KCNJ3: variants seen among roughly 807,000 people sequenced by gnomAD.
KCNJ3 encodes G protein-activated inward rectifier potassium channel 1.
In KCNJ3, 4 loss-of-function variants were observed where a neutral mutation model predicts 39.2. The ratio of observed to expected loss-of-function variants is 0.10; its 90% CI spans 0.05 to 0.23. The LOEUF (loss-of-function observed/expected upper bound fraction) is 0.23, where lower values mean the gene tolerates loss of function less well. Ranked by LOEUF, KCNJ3 falls within the 10% of genes least tolerant of loss-of-function variation. The pLI is 1.00. For synonymous variants in KCNJ3, 230 were observed against 237.4 expected (o/e 0.97, Z 0.29); for missense variants, 276 against 634.9 (o/e 0.43, Z 6.08).
chr2:154,837,596 C>T (rs1687492929), intron 2 of KCNJ3, among the ~76,000 whole-genome samples: 1 of 152,084 alleles, frequency 6.6e-6, no homozygotes, highest in Non-Finnish European at 1.5e-5. Flanking sequence ...TTAACCTTCC[C>T]ATTCTTCCTC....
chr2:154,754,436 G>A (rs1202886116), intron 2 of KCNJ3, among the ~76,000 whole-genome samples: 3 of 152,016 alleles, frequency 2.0e-5, no homozygotes, highest in Non-Finnish European at 1.5e-5. Context: ...ACCACGCCCA[G>A]CTAATTTTTT....
intron 2 of KCNJ3, among the ~76,000 whole-genome samples, chr2:154,813,173 C>CT (rs1052528407): frequency 6.6e-6 from 1 of 152,060 alleles, no homozygotes; most frequent in African/African-American, 2.4e-5. Flanking sequence ...CCGATCACAT[C>CT]TTTTTTTTCT....
At chr2:154,702,698 A>G (rs1430240726) in intron 1 of KCNJ3, among the ~76,000 whole-genome samples, 2 of 151,922 alleles carry the variant, frequency 1.3e-5, no homozygotes. Flanking sequence ...TTTTCTACTC[A>G]TAAAAAGAGA....
chr2:154,722,699 GA>G (rs1183656553), intron 2 of KCNJ3, among the ~76,000 whole-genome samples: 9 of 152,006 alleles, frequency 5.9e-5, no homozygotes, highest in African/African-American at 1.9e-4. Context: ...TTGCACTTTA[GA>G]AAAAAACCAC....
At chr2:154,710,882 A>G (rs1377021434) in intron 2 of KCNJ3, among the ~76,000 whole-genome samples, 1 of 152,178 alleles carries the variant, frequency 6.6e-6, no homozygotes, top group Non-Finnish European at 1.5e-5. Context: ...GAGGCTAGTC[A>G]TTGTAATTTT....
intron 2 of KCNJ3, among the ~76,000 whole-genome samples, chr2:154,767,195 T>TTA (rs545870633): frequency 4.6e-5 from 7 of 151,990 alleles, no homozygotes; most frequent in East Asian, 1.9e-4. Flanking sequence ...CCTTTTTTTT[T>TTA]AAAATTATAC....
intron 2 of KCNJ3, among the ~76,000 whole-genome samples, chr2:154,768,003 T>C (rs1686166044): frequency 6.6e-6 from 1 of 152,200 alleles, no homozygotes; most frequent in Non-Finnish European, 1.5e-5. Context: ...AATGTCTGTT[T>C]ATATCCTTCA....
chr2:154,819,514 TTTTA>T, intron 2 of KCNJ3, among the ~76,000 whole-genome samples: 1 of 151,834 alleles, frequency 6.6e-6, no homozygotes, highest in Non-Finnish European at 1.5e-5. Flanking sequence ...CACAATAACA[TTTTA>T]TTTATTTTTA....
chr2:154,709,806 T>C lies in KCNJ3; in HGVS notation c.906T>C (p.Ile302=). The C allele has an allele frequency of 6.2e-7, 1 of 1,613,706 alleles. No homozygotes were observed. Among genetic ancestry groups the C allele is most frequent in the Non-Finnish European group, 8.5e-7 (1 of 1,179,722 alleles). Residue 302 remains isoleucine, a synonymous_variant, in exon 2 of 3, where the codon ATT becomes ATC. Coordinates refer to ENST00000295101, the MANE Select transcript of KCNJ3 (RefSeq NM_002239.4). ...AGATTGTCGTCATCCTAGAAGGCATTGTGGAAACAACTGGTGAGTAAAAAC... is the reference window on the plus strand; with the variant it reads ...AGATTGTCGTCATCCTAGAAGGCATCGTGGAAACAACTGGTGAGTAAAAAC... ...QFEIVVILEG[I]VETTGMTCQA...
chr2:154,790,554 T>G (rs1055209059), intron 2 of KCNJ3, among the ~76,000 whole-genome samples: 9 of 152,132 alleles, frequency 5.9e-5, no homozygotes, highest in African/African-American at 1.9e-4. Flanking sequence ...GTTGCATGTC[T>G]CTCATTTCTC....
chr2:154,819,654 C>T lies in KCNJ3; in HGVS notation c.920-35073C>T, dbSNP rs553263381. ...CAAGCTATTCTTCTGCCTCAGCCTC[C>T]TGAGTAGCTGGGACTACAGGTGTGC... On this transcript the variant is annotated intron_variant, in intron 2 of 2. Coordinates refer to ENST00000295101, the MANE Select transcript of KCNJ3 (RefSeq NM_002239.4). 1.5e-4 allele frequency among the ~76,000 whole-genome samples: 23 copies of T among 152,084 alleles called. 1 individual carries two copies. The highest frequency in any genetic ancestry group is 1.2e-3 in the South Asian group (6 of 4,818).
At chr2:154,800,937 G>T (rs1407054433) in intron 2 of KCNJ3, among the ~76,000 whole-genome samples, 1 of 152,160 alleles carries the variant, frequency 6.6e-6, no homozygotes, top group African/African-American at 2.4e-5. Context: ...AAGCTCCTTG[G>T]CCTTCCTATC....
chr2:154,784,794 G>A (rs1686498998), intron 2 of KCNJ3, among the ~76,000 whole-genome samples: 1 of 152,170 alleles, frequency 6.6e-6, no homozygotes, highest in Non-Finnish European at 1.5e-5. Flanking sequence ...AGCTAGCTCT[G>A]CAAATTTAGT....
At chr2:154,801,164 C>G (rs988293866) in intron 2 of KCNJ3, among the ~76,000 whole-genome samples, 1 of 152,172 alleles carries the variant, frequency 6.6e-6, no homozygotes, top group East Asian at 1.9e-4. Flanking sequence ...AAGCCACTTA[C>G]CTTAATTTCT....
chr2:154,740,532 T>G (rs1323673789), intron 2 of KCNJ3, among the ~76,000 whole-genome samples: 1 of 151,994 alleles, frequency 6.6e-6, no homozygotes, highest in Non-Finnish European at 1.5e-5. Context: ...ACGCCCTAGA[T>G]GAGACTTTCC....
intron 2 of KCNJ3, among the ~76,000 whole-genome samples, chr2:154,726,689 C>G (rs1295799741): frequency 6.6e-6 from 1 of 151,824 alleles, no homozygotes; most frequent in Non-Finnish European, 1.5e-5. Flanking sequence ...GCACAATTCA[C>G]AGTCACAAAA....
intron 2 of KCNJ3, among the ~76,000 whole-genome samples, chr2:154,809,653 CTGTT>C (rs1686974793): frequency 6.6e-6 from 1 of 152,252 alleles, no homozygotes; most frequent in South Asian, 2.1e-4. Flanking sequence ...GGTCCATTGT[CTGTT>C]TGTGAACTTG....
chr2:154,827,910 C>T (rs1393769300), intron 2 of KCNJ3, among the ~76,000 whole-genome samples: 1 of 151,968 alleles, frequency 6.6e-6, no homozygotes. Flanking sequence ...TGATCAAATT[C>T]TGGAAAGAAC....
At chr2:154,814,893 T>C (rs746099789) in intron 2 of KCNJ3, among the ~76,000 whole-genome samples, 1 of 152,208 alleles carries the variant, frequency 6.6e-6, no homozygotes, top group Non-Finnish European at 1.5e-5. Flanking sequence ...AAGAATAAAG[T>C]GGTAGAAACA....
Sources: allele counts gnomAD v4.1 joint callset (sites outside exome capture counted in the v4.1 genomes callset), GRCh38; gene constraint gnomAD v4.1.1; transcripts MANE v1.5; gene names NCBI Gene and HGNC (gene_info 2026-07-23, HGNC 2026-07-21).